SLX4IP: variants seen among roughly 807,000 people sequenced by gnomAD.
SLX4IP encodes protein SLX4IP.
SLX4IP carries 34 observed loss-of-function variants against 32.9 expected under a neutral mutation model. The ratio of observed to expected loss-of-function variants is 1.03; its 90% CI spans 0.79 to 1.38. The LOEUF is 1.38. Ranked by LOEUF, SLX4IP falls within the 40% of genes most tolerant of loss-of-function variation. SLX4IP has a pLI of 0.00. For missense variants in SLX4IP, 444 were observed against 479.0 expected (o/e 0.93, Z 0.68); for synonymous variants, 172 against 171.7 (o/e 1.00, Z -0.01).
intron 4 of SLX4IP, among the ~76,000 whole-genome samples, chr20:10,579,078 T>C (rs1456709125): frequency 6.6e-6 from 1 of 152,230 alleles, no homozygotes. Context: ...ATTTTAATGA[T>C]GTCCAATTCA....
intron 2 of SLX4IP, among the ~76,000 whole-genome samples, chr20:10,489,267 C>G (rs1477466658): frequency 6.6e-6 from 1 of 152,126 alleles, no homozygotes; most frequent in East Asian, 1.9e-4. Context: ...GTAGACAAAT[C>G]AAGACATTGT....
At chr20:10,466,805 G>C (rs1274523676) in intron 2 of SLX4IP, among the ~76,000 whole-genome samples, 1 of 151,188 alleles carries the variant, frequency 6.6e-6, no homozygotes, top group African/African-American at 2.4e-5. Flanking sequence ...TGAATCTAAA[G>C]TAAAAGATTT....
intron 2 of SLX4IP, among the ~76,000 whole-genome samples, chr20:10,513,379 T>A (rs1242431406): frequency 2.6e-5 from 4 of 152,214 alleles, no homozygotes; most frequent in African/African-American, 4.8e-5. Flanking sequence ...GCTGGGAGAT[T>A]GAACAGGTGT....
At chr20:10,513,941 A>G (rs1189967778) in intron 2 of SLX4IP, among the ~76,000 whole-genome samples, 1 of 152,216 alleles carries the variant, frequency 6.6e-6, no homozygotes, top group Admixed American at 6.5e-5. Context: ...ACCAAGTTGT[A>G]CATAATTTTC....
At chr20:10,559,715 A>C (rs1022568109) in intron 3 of SLX4IP, among the ~76,000 whole-genome samples, 1 of 152,212 alleles carries the variant, frequency 6.6e-6, no homozygotes, top group Non-Finnish European at 1.5e-5. Flanking sequence ...TAACACCAAA[A>C]CAATAAAACA....
Position 10,623,100 on chromosome 20 carries a change from T to C in SLX4IP, c.948T>C (p.Asp316=). 1 of 1,614,164 alleles carries C rather than the reference T, an allele frequency of 6.2e-7. No individual in the cohort carries two copies. The highest frequency in any genetic ancestry group is 8.5e-7 in the Non-Finnish European group (1 of 1,180,038). Residue 316 remains aspartate, a synonymous_variant, in exon 8 of 8, where the codon GAT becomes GAC. Transcript: ENST00000334534. ...ACGGGAGAGTTTCTCTTGGAAGTGA[T>C]CGATTAGTCCCGAGAGAAATAATAG... ...DHHGRVSLGS[D]RLVPREIIVE...
intron 6 of SLX4IP, among the ~76,000 whole-genome samples, chr20:10,618,940 T>TGGGGGGGGGGGGGGGGGGGGGGGG (rs59862780): frequency 2.4e-5 from 1 of 41,776 alleles, no homozygotes. Context: ...GCTTGGGGGT[T>TGGGGGGGGGGGGGGGGGGGGGGGG]GGGGGGGCGG....
At chr20:10,603,883 T>C (rs1242703139) in intron 6 of SLX4IP, among the ~76,000 whole-genome samples, 1 of 152,188 alleles carries the variant, frequency 6.6e-6, no homozygotes, top group African/African-American at 2.4e-5. Flanking sequence ...AACTACACCA[T>C]CCTTCCACCA....
rs142381104 is a variant in SLX4IP, at chr20:10,586,688, C to T, written c.239-11987C>T. Among the ~76,000 whole-genome samples the T allele has an allele frequency of 4.8e-3, 722 of 151,044 alleles. 4 individuals carry two copies. The highest frequency in any genetic ancestry group is 7.6e-3 in the Non-Finnish European group (518 of 67,738). ...AGAAGTATTAGTAATGAAAAAAAGA[C>T]GTAATTAGATCAGGAATAGAAGTAT... is the stretch of plus-strand genomic sequence containing the variant. On this transcript the variant is annotated intron_variant, in intron 4 of 7. Coordinates refer to ENST00000334534, the MANE Select transcript of SLX4IP (RefSeq NM_001009608.3).
intron 2 of SLX4IP, among the ~76,000 whole-genome samples, chr20:10,501,614 G>A (rs893176229): frequency 2.6e-5 from 4 of 152,222 alleles, no homozygotes. Flanking sequence ...CACCCCACTT[G>A]GTTCTCGAGG....
intron 4 of SLX4IP, among the ~76,000 whole-genome samples, chr20:10,586,740 T>G (rs1401773494): frequency 6.6e-6 from 1 of 152,032 alleles, no homozygotes; most frequent in Non-Finnish European, 1.5e-5. Flanking sequence ...CATAATTAAA[T>G]TAGGTGGAAA....
At chr20:10,442,465 C>G (rs1229223409) in intron 1 of SLX4IP, among the ~76,000 whole-genome samples, 1 of 152,190 alleles carries the variant, frequency 6.6e-6, no homozygotes, top group African/African-American at 2.4e-5. Flanking sequence ...TGCTTGTTTT[C>G]AGGCCTGAGA....
chr20:10,484,186 A>G (rs985275775), intron 2 of SLX4IP, among the ~76,000 whole-genome samples: 2 of 152,140 alleles, frequency 1.3e-5, no homozygotes, highest in Non-Finnish European at 2.9e-5. Flanking sequence ...GGCCTCAGTC[A>G]TGAACCTAAG....
At chr20:10,612,342 A>T (rs2066976431) in intron 6 of SLX4IP, among the ~76,000 whole-genome samples, 1 of 152,078 alleles carries the variant, frequency 6.6e-6, no homozygotes, top group African/African-American at 2.4e-5. Context: ...TGAACATGAG[A>T]CCTTAGACTC....
At chr20:10,525,633 A>G (rs2065934675) in intron 2 of SLX4IP, among the ~76,000 whole-genome samples, 1 of 152,022 alleles carries the variant, frequency 6.6e-6, no homozygotes, top group Non-Finnish European at 1.5e-5. Flanking sequence ...TTCTATCACT[A>G]TTTTCCTCCA....
At chr20:10,482,963 G>T (rs1333692587) in intron 2 of SLX4IP, among the ~76,000 whole-genome samples, 1 of 152,086 alleles carries the variant, frequency 6.6e-6, no homozygotes, top group East Asian at 1.9e-4. Context: ...GAATGGTGAT[G>T]ATGCACCAGT....
chr20:10,594,312 C>A (rs1202844414), intron 4 of SLX4IP, among the ~76,000 whole-genome samples: 3 of 152,160 alleles, frequency 2.0e-5, no homozygotes, highest in Non-Finnish European at 4.4e-5. Context: ...TGGGAGAAGG[C>A]TTTGCTGGAA....
At chr20:10,622,070 T>C (rs2067117348) in intron 7 of SLX4IP, among the ~76,000 whole-genome samples, 2 of 152,212 alleles carry the variant, frequency 1.3e-5, no homozygotes, top group Non-Finnish European at 2.9e-5. Context: ...TCTTCCACGA[T>C]TGTATTTTAT....
At chr20:10,621,224 T>A in intron 6 of SLX4IP, 90 bp from the exon 7 acceptor site, 1 of 1,135,314 alleles carries the variant, frequency 8.8e-7, no homozygotes, top group Non-Finnish European at 1.3e-6. Flanking sequence ...CAAAAATAAA[T>A]GTGTTCATTG....
Sources: gnomAD v4.1 joint callset for allele counts (sites outside exome capture counted in the v4.1 genomes callset) on GRCh38, gnomAD v4.1.1 for gene constraint, MANE v1.5 for transcripts, NCBI Gene and HGNC (gene_info 2026-07-23, HGNC 2026-07-21) for gene names.